Variants in TTC28 observed in about 807,000 individuals in gnomAD.
TTC28 encodes the protein tetratricopeptide repeat domain 28, also known as tetratricopeptide repeat protein 28.
In TTC28, 61 loss-of-function variants were observed where a neutral mutation model predicts 198.0. The observed-to-expected ratio is 0.31, with a 90% CI of 0.25 to 0.38. TTC28 has a LOEUF of 0.38. Ranked by LOEUF, TTC28 falls within the 10% of genes least tolerant of loss-of-function variation. The pLI is 1.00. For missense variants in TTC28, 2,678 were observed against 3,164.0 expected (o/e 0.85, Z 3.69); for synonymous variants, 1,171 against 1,297.8 (o/e 0.90, Z 2.10).
chr22:28,326,979 CA>C (rs2045542202), intron 2 of TTC28, among the ~76,000 whole-genome samples: 1 of 50,994 alleles, frequency 2.0e-5, no homozygotes, highest in Admixed American at 2.3e-4. Flanking sequence ...AACACAAACA[CA>C]CACACACACA....
intron 2 of TTC28, among the ~76,000 whole-genome samples, chr22:28,331,932 G>T (rs557621032): frequency 6.6e-6 from 1 of 152,158 alleles, no homozygotes; most frequent in East Asian, 1.9e-4. Context: ...CCTGTCCAGA[G>T]GAAATGCAAA....
At chr22:28,223,879 G>A (rs771322828) in intron 5 of TTC28, among the ~76,000 whole-genome samples, 14 of 152,114 alleles carry the variant, frequency 9.2e-5, no homozygotes, top group South Asian at 2.1e-4. Flanking sequence ...CCTTCTACAC[G>A]GGCTTTGGAT....
At chr22:28,563,283 T>C (rs2049919999) in intron 2 of TTC28, among the ~76,000 whole-genome samples, 1 of 152,348 alleles carries the variant, frequency 6.6e-6, no homozygotes, top group South Asian at 2.1e-4. Flanking sequence ...ATGTCAATGA[T>C]GCTATGAACT....
chr22:27,995,876 C>T (rs373177994), intron 17 of TTC28, among the ~76,000 whole-genome samples: 22 of 152,274 alleles, frequency 1.4e-4, no homozygotes, highest in Admixed American at 7.8e-4. Flanking sequence ...CTCAGGCCAG[C>T]GGGCTCATCC....
At chr22:28,360,094 T>A (rs2046135884) in intron 2 of TTC28, among the ~76,000 whole-genome samples, 1 of 152,100 alleles carries the variant, frequency 6.6e-6, no homozygotes, top group Non-Finnish European at 1.5e-5. Context: ...AATATTTACC[T>A]CTCTTCTTTC....
intron 2 of TTC28, among the ~76,000 whole-genome samples, chr22:28,462,391 T>C (rs1250743059): frequency 6.6e-6 from 1 of 152,192 alleles, no homozygotes; most frequent in Non-Finnish European, 1.5e-5. Context: ...CCAGTCTAGG[T>C]CCTAAAAGAA....
At chr22:28,421,297 A>G (rs2047249398) in intron 2 of TTC28, among the ~76,000 whole-genome samples, 1 of 152,250 alleles carries the variant, frequency 6.6e-6, no homozygotes, top group South Asian at 2.1e-4. Context: ...TTAAACAAAT[A>G]AAACCACAAC....
chr22:28,278,748 T>TGG (rs1482554728), intron 5 of TTC28, among the ~76,000 whole-genome samples: 1 of 152,206 alleles, frequency 6.6e-6, no homozygotes, highest in African/African-American at 2.4e-5. Context: ...AGAAAGACAA[T>TGG]GAGTCTGCCA....
At position 27,983,379 on chromosome 22, in the gene TTC28, C is replaced by G. The variant is rs61746677; in HGVS notation, c.6288G>C (p.Ser2096=). The part of the protein sequence containing the change: ...QPGTAGGMRV[S]VSSKGSISTP... ...TGCTGATGCTCCCTTTGGAGCTCACCGAGACTCTCATGCCTCCGGCTGTCC... is the reference window on the plus strand; with the variant it reads ...TGCTGATGCTCCCTTTGGAGCTCACGGAGACTCTCATGCCTCCGGCTGTCC... The change falls in exon 23 of 23, where the codon TCG becomes TCC. Residue 2096 remains serine (S), a synonymous_variant. Transcript: ENST00000397906. 374 of 1,551,058 alleles carry G rather than the reference C, an allele frequency of 2.4e-4. 1 individual carries two copies. In the African/African-American group the frequency reaches 4.5e-3, roughly 19 times the overall value.
intron 5 of TTC28, among the ~76,000 whole-genome samples, chr22:28,286,564 C>G (rs1167192098): frequency 6.6e-6 from 1 of 152,152 alleles, no homozygotes; most frequent in African/African-American, 2.4e-5. Context: ...GAATACACTT[C>G]AAACTGGTAA....
intron 2 of TTC28, among the ~76,000 whole-genome samples, chr22:28,488,043 C>T (rs1027006278): frequency 6.6e-6 from 1 of 152,162 alleles, no homozygotes; most frequent in Non-Finnish European, 1.5e-5. Flanking sequence ...TAATTATGTG[C>T]TTGCTTAGAA....
intron 5 of TTC28, among the ~76,000 whole-genome samples, chr22:28,230,420 T>C (rs1236851588): frequency 1.3e-5 from 2 of 152,338 alleles, no homozygotes; most frequent in South Asian, 4.1e-4. Flanking sequence ...ATGAGACTTG[T>C]TACAATCCAT....
intron 2 of TTC28, among the ~76,000 whole-genome samples, chr22:28,374,376 C>T (rs886937058): frequency 5.3e-5 from 8 of 152,072 alleles, no homozygotes; most frequent in Admixed American, 1.3e-4. Flanking sequence ...ATTGAATGCT[C>T]GCCACTAAGT....
chr22:28,203,138 G>GA (rs982792118), intron 5 of TTC28, among the ~76,000 whole-genome samples: 34 of 151,630 alleles, frequency 2.2e-4, no homozygotes, highest in Middle Eastern at 6.9e-3. Flanking sequence ...TTTTTTAGTG[G>GA]AAAAAAAACA....
chr22:28,045,027 A>T, intron 12 of TTC28, among the ~76,000 whole-genome samples: 1 of 152,072 alleles, frequency 6.6e-6, no homozygotes, highest in East Asian at 1.9e-4. Context: ...AGGCCCCATT[A>T]CTTGTTGTCT....
intron 2 of TTC28, among the ~76,000 whole-genome samples, chr22:28,386,361 A>C (rs1226859497): frequency 6.7e-6 from 1 of 149,158 alleles, no homozygotes; most frequent in Non-Finnish European, 1.5e-5. Flanking sequence ...CAATACTTTC[A>C]CATTACTTTG....
At chr22:28,413,910 G>A (rs2047128010) in intron 2 of TTC28, among the ~76,000 whole-genome samples, 2 of 152,014 alleles carry the variant, frequency 1.3e-5, no homozygotes, top group Non-Finnish European at 2.9e-5. Flanking sequence ...AAAGAGAGGT[G>A]GAAACTATGT....
rs115231752 is a variant in TTC28 at position 27,998,103 on chromosome 22, C to G, written c.5119+437G>C. On this transcript the variant is annotated intron_variant, in intron 16 of 22. Transcript: ENST00000397906. ...TCAAATGTGGACCGGGTGGTGTCAT[C>G]GCACCACCATCATCCCCTTGTTACC... The G allele has an allele frequency of 8.2e-3, 1,627 of 199,100 alleles. 29 individuals are homozygous for G. The highest frequency in any genetic ancestry group is 0.035 in the African/African-American group (1,497 of 42,992). The allele number at this position is 199,100 out of a possible 1,614,324, so 12.3% of individuals were successfully genotyped here.
intron 2 of TTC28, among the ~76,000 whole-genome samples, chr22:28,402,072 A>T (rs1310649813): frequency 1.3e-5 from 2 of 152,236 alleles, no homozygotes; most frequent in Non-Finnish European, 2.9e-5. Context: ...GTACTCCCAA[A>T]GAATACATCT....
Sources: gnomAD v4.1 joint callset for allele counts (sites outside exome capture counted in the v4.1 genomes callset) on GRCh38, gnomAD v4.1.1 for gene constraint, MANE v1.5 for transcripts, NCBI Gene and HGNC (gene_info 2026-07-23, HGNC 2026-07-21) for gene names.